The following CNTNAP2 variants were observed in gnomAD, a reference collection of about 807,000 sequenced individuals.
CNTNAP2 encodes the protein contactin-associated protein-like 2.
A neutral mutation model predicts 155.2 loss-of-function variants in CNTNAP2; 98 were observed. That is an observed-to-expected ratio of 0.63 (90% CI 0.54 to 0.75). The LOEUF (loss-of-function observed/expected upper bound fraction) is 0.75. Ranked by LOEUF, CNTNAP2 falls within the 30% of genes least tolerant of loss-of-function variation. The probability of loss-of-function intolerance (pLI) is 0.00; values close to 1 mark genes in which losing one functional copy is unlikely to be tolerated. For synonymous variants in CNTNAP2, 651 were observed against 631.2 expected (o/e 1.03, Z -0.47); for missense variants, 1,727 against 1,688.1 (o/e 1.02, Z -0.40).
intron 13 of CNTNAP2, among the ~76,000 whole-genome samples, chr7:147,705,742 G>T (rs370795507): frequency 2.0e-5 from 3 of 152,200 alleles, no homozygotes; most frequent in South Asian, 2.1e-4. Flanking sequence ...CCAGTGTTAG[G>T]TGCATATGTG....
chr7:146,773,204 G>GA (rs540763726), intron 1 of CNTNAP2, among the ~76,000 whole-genome samples: 3 of 151,794 alleles, frequency 2.0e-5, no homozygotes, highest in South Asian at 4.2e-4. Context: ...CAGCTAATGA[G>GA]AAAAAAGAGA....
Position 146,626,930 on chromosome 7 carries a change from C to A in CNTNAP2, c.98-147341C>A, listed in dbSNP as rs1414186178. Among the ~76,000 whole-genome samples, 6 of 152,078 alleles carry A rather than the reference C, an allele frequency of 3.9e-5. No homozygotes were observed. The East Asian group carries it at 1.2e-3, about 29-fold the overall frequency. On this transcript the variant is annotated intron_variant, in intron 1 of 23. Coordinates refer to ENST00000361727, the MANE Select transcript of CNTNAP2 (RefSeq NM_014141.6). ...GGTCATCTCTAATATAACATTGCTT[C>A]TTTTGTAATTCCAGCCTCATTTTTC...
At chr7:148,127,665 T>A (rs1043376540) in intron 16 of CNTNAP2, among the ~76,000 whole-genome samples, 5 of 152,204 alleles carry the variant, frequency 3.3e-5, no homozygotes, top group African/African-American at 1.2e-4. Flanking sequence ...TCAGAAGAAG[T>A]AAACTAATGG....
intron 20 of CNTNAP2, among the ~76,000 whole-genome samples, chr7:148,250,351 C>G (rs1162448074): frequency 6.6e-6 from 1 of 152,188 alleles, no homozygotes; most frequent in Non-Finnish European, 1.5e-5. Flanking sequence ...TACTTTTTCT[C>G]TGTGTCTCTC....
intron 4 of CNTNAP2, among the ~76,000 whole-genome samples, chr7:147,094,589 G>A (rs1314052118): frequency 6.6e-6 from 1 of 150,424 alleles, no homozygotes; most frequent in Non-Finnish European, 1.5e-5. Context: ...TGTATTTTTA[G>A]TAGAGACGGG....
rs533338607 is a variant in CNTNAP2 at position 147,555,004 on chromosome 7, C to T, written c.1778-7134C>T. On this transcript the variant is annotated intron_variant, in intron 11 of 23. Transcript: ENST00000361727. Reference sequence around the variant, plus strand: ...ACTGAGGAGGGTCTCAAGGTCATTGCCGCCTCTCTGGATTTCCAACTTGGC... The same window carrying T: ...ACTGAGGAGGGTCTCAAGGTCATTGTCGCCTCTCTGGATTTCCAACTTGGC... Among the ~76,000 whole-genome samples the T allele has an allele frequency of 1.4e-4, 21 of 152,246 alleles. 2 individuals carry two copies. In the South Asian group the frequency reaches 2.9e-3, roughly 21 times the overall value.
intron 1 of CNTNAP2, among the ~76,000 whole-genome samples, chr7:146,195,349 A>G (rs1490315727): frequency 6.6e-6 from 1 of 152,216 alleles, no homozygotes; most frequent in East Asian, 1.9e-4. Context: ...ATTCAAACAG[A>G]AAGAAAATGA....
At chr7:147,206,127 G>GA (rs1278857171) in intron 8 of CNTNAP2, among the ~76,000 whole-genome samples, 1 of 151,292 alleles carries the variant, frequency 6.6e-6, no homozygotes, top group South Asian at 2.1e-4. Flanking sequence ...GACTAATGTA[G>GA]AAAAAAAAGA....
rs1491527392 is a variant in CNTNAP2, at chr7:148,366,072, GTA to G, written c.3476-17575_3476-17574del. ...CATGTGTGTGTATGCATGTATGCAT[GTA>G]TGTGTGTGCATGTATACATGTATGT... On this transcript the variant is annotated intron_variant, in intron 21 of 23. Coordinates refer to ENST00000361727, the MANE Select transcript of CNTNAP2 (RefSeq NM_014141.6). 3.2e-3 allele frequency among the ~76,000 whole-genome samples: 30 copies of G among 9,302 alleles called. 15 individuals are homozygous for G. The highest frequency in any genetic ancestry group is 5.6e-3 in the African/African-American group (30 of 5,340). 6.1% of individuals were successfully genotyped at this position (9,302 alleles called of 152,430 possible).
intron 1 of CNTNAP2, among the ~76,000 whole-genome samples, chr7:146,208,989 G>A (rs1798993659): frequency 6.6e-6 from 1 of 151,954 alleles, no homozygotes; most frequent in Non-Finnish European, 1.5e-5. Flanking sequence ...TATAATGTAG[G>A]CAGGCATTAG....
intron 13 of CNTNAP2, among the ~76,000 whole-genome samples, chr7:147,849,401 G>C (rs924570919): frequency 9.9e-5 from 15 of 152,100 alleles, no homozygotes; most frequent in Non-Finnish European, 2.1e-4. Flanking sequence ...AACATGATCT[G>C]TTTCACTACA....
intron 1 of CNTNAP2, among the ~76,000 whole-genome samples, chr7:146,555,492 G>GTCTATCTATCTA (rs1207891120): frequency 1.2e-5 from 1 of 84,596 alleles, no homozygotes; most frequent in African/African-American, 5.6e-5. Context: ...TGTATCATCT[G>GTCTATCTATCTA]TCTGTCTATC....
At chr7:147,146,192 C>T (rs1268984624) in intron 8 of CNTNAP2, 1 of 152,258 alleles carries the variant, frequency 6.6e-6, no homozygotes, top group Non-Finnish European at 1.5e-5. Flanking sequence ...CTGTGTTAGC[C>T]TGCAAAGTGT....
intron 8 of CNTNAP2, among the ~76,000 whole-genome samples, chr7:147,147,321 G>C (rs774767566): frequency 2.6e-5 from 4 of 152,182 alleles, no homozygotes; most frequent in Non-Finnish European, 5.9e-5. Flanking sequence ...TTCAAGATGA[G>C]ATTTGGGTGG....
intron 1 of CNTNAP2, among the ~76,000 whole-genome samples, chr7:146,732,537 G>A (rs1278992725): frequency 6.6e-6 from 1 of 152,078 alleles, no homozygotes. Context: ...TTTTAAAGAA[G>A]AGAGATAACT....
intron 5 of CNTNAP2, among the ~76,000 whole-genome samples, chr7:147,115,268 A>G (rs1800962820): frequency 6.6e-6 from 1 of 151,918 alleles, no homozygotes; most frequent in Non-Finnish European, 1.5e-5. Context: ...TTTAATTTCA[A>G]CCTCAGAGAA....
chr7:147,387,023 C>A (rs1281147872), intron 9 of CNTNAP2, among the ~76,000 whole-genome samples: 1 of 152,042 alleles, frequency 6.6e-6, no homozygotes, highest in African/African-American at 2.4e-5. Flanking sequence ...CAGGGAAACT[C>A]CCATTTTTAA....
rs145170252 is a variant in CNTNAP2 at position 147,097,451 on chromosome 7, G to A, written c.551-10696G>A. 9.8e-3 allele frequency: 1,498 copies of A among 152,320 alleles called. 11 individuals are homozygous for A. The highest frequency in any genetic ancestry group is 0.016 in the Non-Finnish European group (1,078 of 68,066). The allele number at this position is 152,320 out of a possible 1,614,324, so 9.4% of individuals were successfully genotyped here. ...ACTTACAATTCCTCATGGCTAGGGA[G>A]GCCTCACCATCATGGCGGAAGGTGG... is the stretch of plus-strand genomic sequence containing the variant. On this transcript the variant is annotated intron_variant, in intron 4 of 23. Transcript: ENST00000361727.
intron 5 of CNTNAP2, among the ~76,000 whole-genome samples, chr7:147,116,868 C>T (rs188333639): frequency 4.0e-5 from 6 of 151,842 alleles, no homozygotes; most frequent in African/African-American, 9.7e-5. Context: ...CACTGTGTTA[C>T]GCTGCTGGGG....
Sources: gnomAD v4.1 joint callset for allele counts (sites outside exome capture counted in the v4.1 genomes callset) on GRCh38, gnomAD v4.1.1 for gene constraint, MANE v1.5 for transcripts, NCBI Gene and HGNC (gene_info 2026-07-23, HGNC 2026-07-21) for gene names.